RBP4: variants seen among roughly 807,000 people sequenced by gnomAD.
The protein encoded by RBP4 is retinol-binding protein 4.
A neutral mutation model predicts 26.2 loss-of-function variants in RBP4; 9 were observed. The observed-to-expected ratio is 0.34, with a 90% CI of 0.21 to 0.60. The LOEUF is 0.60. Ranked by LOEUF, RBP4 falls within the 20% of genes least tolerant of loss-of-function variation. The pLI, the probability that RBP4 is intolerant of heterozygous loss-of-function variation, is 0.80. For synonymous variants in RBP4, 114 were observed against 111.0 expected, an observed-to-expected ratio of 1.03 and a Z score of -0.17; for missense variants, 244 against 271.3, an observed-to-expected ratio of 0.90 and a Z score of 0.71.
At chr10:93,594,108 C>T in intron 4 of RBP4, 73 bp from the exon 5 acceptor site, 1 of 1,431,080 alleles carries the variant, frequency 7.0e-7, no homozygotes, top group Non-Finnish European at 9.8e-7. Context: ...AAACTCACGA[C>T]CAGGCCTGAG....
Position 93,594,042 on chromosome 10 carries a change from G to A in RBP4, c.356-7C>T. The stretch of plus-strand genomic sequence containing the variant: ...ACGATCCAGTGGTCATCATCTGCAA[G>A]CCAGAAAGCCACCATGCCGATCAAT... On this transcript the variant is annotated splice_region_variant and splice_polypyrimidine_tract_variant and intron_variant, in intron 4 of 5. Transcript: ENST00000371464. 6.2e-7 allele frequency: 1 copy of A among 1,612,814 alleles called. No individual in the cohort carries two copies. The highest frequency in any genetic ancestry group is 2.2e-5 in the East Asian group (1 of 44,872).
At chr10:93,600,570 C>G in intron 3 of RBP4, 71 bp from the exon 4 acceptor site, 2 of 1,612,168 alleles carry the variant, frequency 1.2e-6, no homozygotes, top group African/African-American at 2.7e-5. Context: ...CCATTCGGTG[C>G]TCCCTTCCCT....
At chr10:93,597,622 C>T (rs1333114529) in intron 4 of RBP4, among the ~76,000 whole-genome samples, 1 of 152,162 alleles carries the variant, frequency 6.6e-6, no homozygotes, top group Admixed American at 6.5e-5. Flanking sequence ...GGAGCATGCC[C>T]AAGGCTGGAG....
chr10:93,592,052 A>T lies in RBP4; in HGVS notation c.*23T>A. ...CTGAGAGCTAATCAGAAGTTCTCAGATGAAACTAGATTCTTGATATTGCTA... is the reference window on the plus strand; with the variant it reads ...CTGAGAGCTAATCAGAAGTTCTCAGTTGAAACTAGATTCTTGATATTGCTA... On this transcript the variant is annotated 3_prime_UTR_variant, in exon 6 of 6. Transcript: ENST00000371464. 6.2e-7 allele frequency: 1 copy of T among 1,603,832 alleles called. No individual in the cohort carries two copies.
chr10:93,598,476 C>T (rs891488229), intron 4 of RBP4, among the ~76,000 whole-genome samples: 1 of 152,222 alleles, frequency 6.6e-6, no homozygotes, highest in Admixed American at 6.5e-5. Context: ...TACAACACTG[C>T]ACAGCTTCTT....
At chr10:93,600,641 G>A (rs1269725195) in intron 3 of RBP4, 26 bp downstream of exon 3, 4 of 1,612,080 alleles carry the variant, frequency 2.5e-6, no homozygotes, top group Admixed American at 3.3e-5. Flanking sequence ...AGCGCAAAGG[G>A]CGCAGCTGCC....
chr10:93,601,221 TGGAGCGAGGGAGGCGAGCGCGCCGCGG>T, exon 1 of RBP4: 5 of 1,290,142 alleles, frequency 3.9e-6, no homozygotes, highest in Non-Finnish European at 4.9e-6. Flanking sequence ...CGGGCGCGCG[TGGAGCGAGGGAGGCGAGCGCGCCGCGG>T]CCGCCCCGCT....
chr10:93,595,011 T>A (rs2058294073), intron 4 of RBP4, among the ~76,000 whole-genome samples: 1 of 152,002 alleles, frequency 6.6e-6, no homozygotes. Context: ...TGGGGTGACA[T>A]GCGTCTGTGG....
intron 4 of RBP4, among the ~76,000 whole-genome samples, chr10:93,597,886 A>T (rs939810351): frequency 2.0e-5 from 3 of 152,164 alleles, no homozygotes; most frequent in African/African-American, 7.2e-5. Context: ...AAGCAAGACC[A>T]TGGTCAGGGA....
chr10:93,601,518 G>A (rs2058339650), upstream of RBP4: 1 of 671,420 alleles, frequency 1.5e-6, no homozygotes, highest in South Asian at 2.0e-5. Context: ...GCCGCCAGCT[G>A]CGGTCTAGGG....
chr10:93,601,357 C>A, upstream of RBP4: 1 of 1,246,308 alleles, frequency 8.0e-7, no homozygotes, highest in Non-Finnish European at 1.0e-6. Flanking sequence ...CGCGCCCTGA[C>A]TCACCGGAGC....
At chr10:93,601,116 C>T (rs1204186565) in intron 1 of RBP4, 55 bp downstream of exon 1, 20 of 1,529,338 alleles carry the variant, frequency 1.3e-5, no homozygotes, top group Admixed American at 5.9e-5. Flanking sequence ...TCACCCCACC[C>T]CACCCCACCC....
rs1406701078 is a variant in RBP4 at position 93,591,844 on chromosome 10, C to T, written c.*231G>A. 1 of 562,756 alleles carries T rather than the reference C, an allele frequency of 1.8e-6. No individual in the cohort carries two copies. Among genetic ancestry groups the T allele is most frequent in the African/African-American group, 1.9e-5 (1 of 52,968 alleles). The allele number at this position is 562,756 out of a possible 1,614,324, so 34.9% of individuals were successfully genotyped here. ...ACAAATGAAAACTAAAATCACAGGA[C>T]ACGGGTGACTATAGTTTAATGAATC... is the stretch of plus-strand genomic sequence containing the variant. On this transcript the variant is annotated 3_prime_UTR_variant, in exon 6 of 6. Coordinates refer to ENST00000371464, the MANE Select transcript of RBP4 (RefSeq NM_006744.4).
At chr10:93,600,524 G>C (rs774297883) in intron 3 of RBP4, 25 bp from the exon 4 acceptor site, 1 of 1,613,662 alleles carries the variant, frequency 6.2e-7, no homozygotes, top group Non-Finnish European at 8.5e-7. Context: ...GGGATCCTCA[G>C]CCAAGCCGGG....
At chr10:93,599,065 C>G (rs900717232) in intron 4 of RBP4, among the ~76,000 whole-genome samples, 1 of 151,502 alleles carries the variant, frequency 6.6e-6, no homozygotes, top group East Asian at 1.9e-4. Context: ...CTTGGGCAAG[C>G]TGGGGAGACC....
intron 4 of RBP4, among the ~76,000 whole-genome samples, chr10:93,596,597 G>A (rs1233092259): frequency 6.6e-6 from 1 of 152,224 alleles, no homozygotes; most frequent in Non-Finnish European, 1.5e-5. Flanking sequence ...GGAGGCAGTG[G>A]CTGTGTGGCT....
intron 4 of RBP4, 40 bp downstream of exon 4, chr10:93,600,353 G>A (rs2058328472): frequency 1.3e-6 from 2 of 1,555,926 alleles, no homozygotes; most frequent in Non-Finnish European, 1.8e-6. Context: ...CCCGGTAGGC[G>A]CCCCATTCCC....
chr10:93,600,781 A>G lies in RBP4; in HGVS notation c.134T>C (p.Met45Thr), dbSNP rs374519908. 16 of 1,560,776 alleles carry G rather than the reference A, an allele frequency of 1.0e-5. No individual in the cohort carries two copies. In the African/African-American group the frequency reaches 1.4e-4, roughly 13 times the overall value. The change falls in exon 3 of 6, where the codon ATG (methionine) becomes ACG (threonine). Residue 45 changes from methionine to threonine, a missense_variant. Coordinates refer to ENST00000371464, the MANE Select transcript of RBP4 (RefSeq NM_006744.4). ...KARFSGTWYA[M>T]AKKDPEGLFL... The stretch of plus-strand genomic sequence containing the variant: ...GAGGCCCTCGGGGTCCTTCTTGGCC[A>G]TGGCGTACCAGGTCCCAGAGAACTG...
chr10:93,601,063 T>A lies in RBP4; in HGVS notation c.-18-17A>T, dbSNP rs749972683. ...GAATCCGCCCTGCGGGAGACGCGCC[T>A]CCGTCAGTGCCCGGCAGCCGACCCC... On this transcript the variant is annotated splice_polypyrimidine_tract_variant and intron_variant, in intron 1 of 5. Coordinates refer to ENST00000371464, the MANE Select transcript of RBP4 (RefSeq NM_006744.4). 1 of 1,601,972 alleles carries A rather than the reference T, an allele frequency of 6.2e-7. No homozygotes were observed. The highest frequency in any genetic ancestry group is 1.7e-5 in the Admixed American group (1 of 59,946).
Sources: allele counts gnomAD v4.1 joint callset (sites outside exome capture counted in the v4.1 genomes callset), GRCh38; gene constraint gnomAD v4.1.1; transcripts MANE v1.5; gene names NCBI Gene and HGNC (gene_info 2026-07-23, HGNC 2026-07-21).